The following NR3C2 variants were observed in gnomAD, a reference collection of about 807,000 sequenced individuals.
NR3C2 encodes the protein mineralocorticoid receptor.
NR3C2 carries 15 observed loss-of-function variants against 86.4 expected under a neutral mutation model. The observed-to-expected ratio is 0.17, with a 90% CI of 0.12 to 0.27. The LOEUF (loss-of-function observed/expected upper bound fraction) is 0.27. NR3C2 is among the 10% of genes least tolerant of loss of function. NR3C2 has a pLI of 1.00. For synonymous variants in NR3C2, 458 were observed against 450.5 expected, an observed-to-expected ratio of 1.02 and a Z score of -0.21; for missense variants, 960 against 1,195.6, an observed-to-expected ratio of 0.80 and a Z score of 2.91.
intron 7 of NR3C2, among the ~76,000 whole-genome samples, chr4:148,119,679 G>A (rs931282422): frequency 2.6e-5 from 4 of 151,866 alleles, no homozygotes; most frequent in Admixed American, 1.3e-4. Flanking sequence ...CCAGCTACTC[G>A]GGAGGCCGAG....
At chr4:148,246,067 G>A (rs1579062012) in intron 3 of NR3C2, among the ~76,000 whole-genome samples, 2 of 150,026 alleles carry the variant, frequency 1.3e-5, no homozygotes, top group African/African-American at 4.9e-5. Flanking sequence ...TGTAAGAAAC[G>A]AATGGTGTTC....
At chr4:148,419,435 T>A (rs888903576) in intron 2 of NR3C2, among the ~76,000 whole-genome samples, 2 of 152,146 alleles carry the variant, frequency 1.3e-5, no homozygotes, top group African/African-American at 4.8e-5. Flanking sequence ...TTGTTAGTAA[T>A]TCTCCCATAT....
chr4:148,415,960 T>C (rs1174789594), intron 2 of NR3C2, among the ~76,000 whole-genome samples: 1 of 152,150 alleles, frequency 6.6e-6, no homozygotes, highest in African/African-American at 2.4e-5. Flanking sequence ...AAAAAATACA[T>C]GCATTTCTTC....
chr4:148,336,507 G>A (rs1260632548), intron 2 of NR3C2, among the ~76,000 whole-genome samples: 1 of 152,128 alleles, frequency 6.6e-6, no homozygotes, highest in East Asian at 1.9e-4. Flanking sequence ...ATGGCGGCTT[G>A]GACAATGGGG....
At chr4:148,387,805 T>C (rs1376222238) in intron 2 of NR3C2, among the ~76,000 whole-genome samples, 1 of 152,224 alleles carries the variant, frequency 6.6e-6, no homozygotes. Flanking sequence ...AGGCATGTTG[T>C]TTTCCCAGAA....
chr4:148,240,244 A>G (rs1425540367), intron 3 of NR3C2, among the ~76,000 whole-genome samples: 3 of 147,684 alleles, frequency 2.0e-5, no homozygotes, highest in South Asian at 2.1e-4. Context: ...TATAAATTAT[A>G]TATATATTTA....
intron 6 of NR3C2, among the ~76,000 whole-genome samples, chr4:148,135,766 A>C (rs979280724): frequency 6.6e-6 from 1 of 152,156 alleles, no homozygotes; most frequent in Non-Finnish European, 1.5e-5. Flanking sequence ...TTTAAAAAAC[A>C]ACAAAAACGG....
At chr4:148,421,893 G>C (rs373477992) in intron 2 of NR3C2, among the ~76,000 whole-genome samples, 2 of 152,032 alleles carry the variant, frequency 1.3e-5, no homozygotes, top group African/African-American at 4.8e-5. Flanking sequence ...GAAATGCACA[G>C]TTCATGAAAT....
chr4:148,340,820 A>G (rs1028201274), intron 2 of NR3C2, among the ~76,000 whole-genome samples: 1 of 152,162 alleles, frequency 6.6e-6, no homozygotes, highest in African/African-American at 2.4e-5. Flanking sequence ...AAACATTTGA[A>G]CAGACATTCC....
At chr4:148,304,550 G>C (rs1236329584) in intron 2 of NR3C2, among the ~76,000 whole-genome samples, 1 of 151,996 alleles carries the variant, frequency 6.6e-6, no homozygotes, top group Non-Finnish European at 1.5e-5. Flanking sequence ...CCCTTAGATA[G>C]GCCTTTCAGG....
chr4:148,192,923 A>C (rs1736265571), intron 4 of NR3C2, among the ~76,000 whole-genome samples: 1 of 152,108 alleles, frequency 6.6e-6, no homozygotes, highest in African/African-American at 2.4e-5. Context: ...GCCACAGAAA[A>C]GGGCTTTAGT....
At chr4:148,307,846 TA>T (rs200007641) in intron 2 of NR3C2, among the ~76,000 whole-genome samples, 1,659 of 149,062 alleles carry the variant, frequency 0.011, 31 homozygotes, top group African/African-American at 0.039. Flanking sequence ...TCTGCATCAT[TA>T]AAAAAAACAA....
chr4:148,392,135 G>A (rs776692242), intron 2 of NR3C2, among the ~76,000 whole-genome samples: 3 of 152,042 alleles, frequency 2.0e-5, no homozygotes, highest in Admixed American at 6.6e-5. Context: ...TCTATTGAAC[G>A]TACACAGCTT....
At chr4:148,283,689 GA>G (rs1338689036) in intron 2 of NR3C2, among the ~76,000 whole-genome samples, 5 of 152,136 alleles carry the variant, frequency 3.3e-5, no homozygotes, top group Non-Finnish European at 7.4e-5. Context: ...AATATGGTAA[GA>G]AAAGTGCTAA....
chr4:148,353,645 T>A (rs1320687272), intron 2 of NR3C2, among the ~76,000 whole-genome samples: 1 of 152,196 alleles, frequency 6.6e-6, no homozygotes, highest in Non-Finnish European at 1.5e-5. Context: ...GTTTTACTTT[T>A]ACAGAGTAGA....
intron 7 of NR3C2, among the ~76,000 whole-genome samples, chr4:148,117,401 G>A (rs1732319368): frequency 1.3e-5 from 2 of 152,124 alleles, no homozygotes; most frequent in African/African-American, 2.4e-5. Flanking sequence ...GCCATTGTGT[G>A]CCACCTGCCA....
intron 6 of NR3C2, among the ~76,000 whole-genome samples, chr4:148,141,505 T>C (rs1021144614): frequency 6.6e-5 from 10 of 152,024 alleles, no homozygotes; most frequent in Admixed American, 5.9e-4. Context: ...TTAACAAGCA[T>C]ATTTTCTGTA....
intron 8 of NR3C2, among the ~76,000 whole-genome samples, chr4:148,092,177 C>G (rs1731089921): frequency 6.6e-6 from 1 of 152,204 alleles, no homozygotes; most frequent in African/African-American, 2.4e-5. Context: ...CACCTCTTCC[C>G]CGCAGGCCTT....
At chr4:148,275,406 T>C (rs1390754026) in intron 2 of NR3C2, among the ~76,000 whole-genome samples, 1 of 151,628 alleles carries the variant, frequency 6.6e-6, no homozygotes, top group African/African-American at 2.4e-5. Flanking sequence ...CAATTTACTA[T>C]AAAGTAGATA....
Sources: allele counts gnomAD v4.1 joint callset (sites outside exome capture counted in the v4.1 genomes callset), GRCh38; gene constraint gnomAD v4.1.1; transcripts MANE v1.5; gene names NCBI Gene and HGNC (gene_info 2026-07-23, HGNC 2026-07-21).